The following TRIM39 variants were observed in gnomAD, a reference collection of about 807,000 sequenced individuals.
TRIM39 encodes the protein E3 ubiquitin-protein ligase TRIM39.
A neutral mutation model predicts 53.6 loss-of-function variants in TRIM39; 5 were observed. The observed-to-expected ratio is 0.09, with a 90% CI of 0.05 to 0.20. TRIM39 has a LOEUF of 0.20. TRIM39 is among the 10% of genes least tolerant of loss of function. TRIM39 has a pLI of 1.00. For synonymous variants in TRIM39, 196 were observed against 237.6 expected, an observed-to-expected ratio of 0.82 and a Z score of 1.61; for missense variants, 310 against 621.0, an observed-to-expected ratio of 0.50 and a Z score of 5.32.
chr6:30,335,657 G>A lies in TRIM39; in HGVS notation c.550-88G>A. ...CCATTTTCAATGAAACTGGAAGTCT[G>A]TGTTAATTCATACATATGGTGGGTG... On this transcript the variant is annotated intron_variant, in intron 4 of 7. Transcript: ENST00000396551. This position sits in a 1 kb window ranked among gnomAD's most constrained non-coding sequence, Gnocchi z 4.7. 1 of 1,465,238 alleles carries A rather than the reference G, an allele frequency of 6.8e-7. No homozygotes were observed. Among genetic ancestry groups the A allele is most frequent in the South Asian group, 1.3e-5 (1 of 74,240 alleles). The allele number at this position is 1,465,238 out of a possible 1,614,324, so 90.8% of individuals were successfully genotyped here. A position where few individuals can be genotyped will look rare whatever the true frequency, so the allele number is the denominator to read the frequency against.
chr6:30,330,705 A>G, intron 3 of TRIM39, 76 bp from the exon 4 acceptor site: 2 of 1,482,614 alleles, frequency 1.3e-6, no homozygotes, highest in South Asian at 2.4e-5. Context: ...TTTAAAACAA[A>G]TGGTTTAATC....
chr6:30,335,687 A>G lies in TRIM39; in HGVS notation c.550-58A>G, dbSNP rs1372711429. On this transcript the variant is annotated intron_variant, in intron 4 of 7. Coordinates refer to ENST00000396551, the Ensembl canonical transcript of TRIM39. The surrounding 1 kb of genome is among the most constrained non-coding windows in gnomAD (Gnocchi z 4.7). ...AATTCATACATATGGTGGGTGAGAG[A>G]AAGGCTTCCTTATACCACACTGACC... The G allele has an allele frequency of 1.9e-6, 3 of 1,561,642 alleles. No individual in the cohort carries two copies. The highest frequency in any genetic ancestry group is 1.7e-6 in the Non-Finnish European group (2 of 1,154,968).
chr6:30,342,629 C>T lies in TRIM39; in HGVS notation c.*370C>T, dbSNP rs1002444512. 13 of 322,600 alleles carry T rather than the reference C, an allele frequency of 4.0e-5. No individual in the cohort carries two copies. Among genetic ancestry groups the T allele is most frequent in the African/African-American group, 2.7e-4 (13 of 47,532 alleles). 20.0% of individuals were successfully genotyped at this position (322,600 alleles called of 1,614,324 possible). ...CCAGAGGAGGAAACAGAAACCCCTG[C>T]ACATCTTTTTAGGGGGTTCTTTGAC... is the stretch of plus-strand genomic sequence containing the variant. On this transcript the variant is annotated 3_prime_UTR_variant, in exon 8 of 8. Coordinates refer to ENST00000396551, the Ensembl canonical transcript of TRIM39. The surrounding 1 kb of genome is among the most constrained non-coding windows in gnomAD (Gnocchi z 4.7).
Position 30,330,896 on chromosome 6 carries a change from T to C in TRIM39, c.549+20T>C. ...CTCAAGGTAAAGGCAGGCAATCCCA[T>C]GTAGGCTGCTCTGAAGGGTATTTGC... On this transcript the variant is annotated intron_variant, in intron 4 of 7. Transcript: ENST00000396551. The C allele has an allele frequency of 6.2e-7, 1 of 1,612,818 alleles. No homozygotes were observed. The highest frequency in any genetic ancestry group is 8.5e-7 in the Non-Finnish European group (1 of 1,179,296).
intron 4 of TRIM39, among the ~76,000 whole-genome samples, chr6:30,331,142 G>A (rs1786102994): frequency 1.3e-5 from 2 of 152,118 alleles, no homozygotes; most frequent in African/African-American, 4.8e-5. Flanking sequence ...GGTGGCACAT[G>A]CCTGTAGTCC....
intron 1 of TRIM39, among the ~76,000 whole-genome samples, chr6:30,328,197 G>A (rs1322158887): frequency 3.9e-5 from 6 of 152,208 alleles, no homozygotes; most frequent in Admixed American, 2.6e-4. Context: ...GGACCTATAA[G>A]TTGGAGACAC....
exon 3 of TRIM39, chr6:30,329,478 C>T (rs1416847960): frequency 1.9e-6 from 3 of 1,613,062 alleles, no homozygotes; most frequent in African/African-American, 1.3e-5. Flanking sequence ...GCTTGCATCA[C>T]CCGCTGGTGG....
At position 30,335,810 on chromosome 6, in the gene TRIM39, T is replaced by G; in HGVS notation, c.615T>G (p.Asp205Glu). The change falls in exon 5 of 8, where the codon GAT becomes GAG. Residue 205 changes from aspartate (D) to glutamate (E), a missense_variant. By Grantham distance (45) the Asp-to-Glu change is conservative (BLOSUM62 2). This residue lies in a region of TRIM39 where 161 missense variants were observed against 210.0 expected (regional missense o/e 0.77). Transcript: ENST00000396551. The surrounding 1 kb of genome is among the most constrained non-coding windows in gnomAD (Gnocchi z 4.7). ...TTGAAGAGCTTCATAGGCGGCTGGA[T>G]GAAGAGCAGCAGGTGTTGCTTTCAC... 1 of 1,613,016 alleles carries G rather than the reference T, an allele frequency of 6.2e-7. No homozygotes were observed. The highest frequency in any genetic ancestry group is 8.5e-7 in the Non-Finnish European group (1 of 1,180,028).
intron 6 of TRIM39, among the ~76,000 whole-genome samples, 165 bp downstream of exon 6, chr6:30,340,095 T>G (rs1434523434): frequency 1.3e-5 from 2 of 152,112 alleles, no homozygotes; most frequent in East Asian, 3.9e-4. Context: ...AGAGAACAAA[T>G]TATTGGGAAT....
At chr6:30,332,330 A>G (rs781111245) in intron 4 of TRIM39, among the ~76,000 whole-genome samples, 1 of 152,244 alleles carries the variant, frequency 6.6e-6, no homozygotes, top group Non-Finnish European at 1.5e-5. Flanking sequence ...AATGGCACAA[A>G]ATGCACAGCT....
In TRIM39 at chr6:30,338,161, ACTTT is replaced by A. The variant is rs1320699703; in HGVS notation, c.781-1743_781-1740del. On this transcript the variant is annotated intron_variant, in intron 5 of 7. Coordinates refer to ENST00000396551, the Ensembl canonical transcript of TRIM39. The surrounding 1 kb of genome is among the most constrained non-coding windows in gnomAD (Gnocchi z 4.0). The stretch of plus-strand genomic sequence containing the variant: ...TCCATCTCAGCAATAAAGCTGTTTC[ACTTT>A]CTTATCATTCATGTGTTCACTGGAG... 1.3e-5 allele frequency among the ~76,000 whole-genome samples: 2 copies of A among 152,154 alleles called. No homozygotes were observed. Among genetic ancestry groups the A allele is most frequent in the Non-Finnish European group, 2.9e-5 (2 of 68,014 alleles).
At chr6:30,332,920 C>T (rs1554250210) in intron 4 of TRIM39, among the ~76,000 whole-genome samples, 1 of 152,126 alleles carries the variant, frequency 6.6e-6, no homozygotes, top group Non-Finnish European at 1.5e-5. Context: ...CTGAAAATTA[C>T]AGGTAATATA....
Position 30,342,412 on chromosome 6 carries a change from G to C in TRIM39, c.*153G>C, listed in dbSNP as rs1165061348. 3 of 763,484 alleles carry C rather than the reference G, an allele frequency of 3.9e-6. No individual in the cohort carries two copies. Among genetic ancestry groups the C allele is most frequent in the African/African-American group, 1.8e-5 (1 of 56,976 alleles). 47.3% of individuals were successfully genotyped at this position (763,484 alleles called of 1,614,324 possible). ...GGTTTCTAGGATGGTTTTGTGTGGA[G>C]GGGGAGGTAGGACTGGGCTGGATGA... On this transcript the variant is annotated 3_prime_UTR_variant, in exon 8 of 8. Coordinates refer to ENST00000396551, the Ensembl canonical transcript of TRIM39. The surrounding 1 kb of genome is among the most constrained non-coding windows in gnomAD (Gnocchi z 4.7).
intron 5 of TRIM39, 174 bp downstream of exon 5, chr6:30,336,149 C>T (rs1034823888): frequency 1.7e-5 from 16 of 938,150 alleles, no homozygotes; most frequent in Non-Finnish European, 2.5e-5. Context: ...CTCCCATCCC[C>T]TTCTAACCAT....
chr6:30,337,095 G>T (rs545414394), intron 5 of TRIM39, among the ~76,000 whole-genome samples: 3 of 152,212 alleles, frequency 2.0e-5, no homozygotes, highest in African/African-American at 7.2e-5. Flanking sequence ...TGAGCAGTAG[G>T]TCTCAACTTA....
At chr6:30,337,687 A>C (rs1787034150) in intron 5 of TRIM39, among the ~76,000 whole-genome samples, 1 of 152,206 alleles carries the variant, frequency 6.6e-6, no homozygotes, top group Non-Finnish European at 1.5e-5. Flanking sequence ...GGATTTTTGA[A>C]ATGGTAAGTG....
intron 4 of TRIM39, 91 bp downstream of exon 4, chr6:30,330,967 T>G: frequency 6.9e-7 from 1 of 1,451,388 alleles, no homozygotes; most frequent in South Asian, 1.2e-5. Flanking sequence ...CAGTTCCGGT[T>G]CATTAGAAAA....
intron 1 of TRIM39, chr6:30,327,662 G>T (rs113880128): frequency 0.013 from 2,048 of 152,368 alleles, 45 homozygotes; most frequent in African/African-American, 0.045. Flanking sequence ...ATCCGTCCTG[G>T]TGCCTTACTG....
Position 30,338,572 on chromosome 6 carries a change from C to T in TRIM39, c.781-1336C>T, listed in dbSNP as rs941838079. Among the ~76,000 whole-genome samples, 4 of 149,858 alleles carry T rather than the reference C, an allele frequency of 2.7e-5. No homozygotes were observed. The highest frequency in any genetic ancestry group is 2.0e-4 in the Admixed American group (3 of 14,878). On this transcript the variant is annotated intron_variant, in intron 5 of 7. Coordinates refer to ENST00000396551, the Ensembl canonical transcript of TRIM39. The surrounding 1 kb of genome is among the most constrained non-coding windows in gnomAD (Gnocchi z 4.0). ...GCCCCCATAACGATTACAATAGTAA[C>T]ATCAAAGATCACTGATCACAGATCA...
Sources: allele counts gnomAD v4.1 joint callset (sites outside exome capture counted in the v4.1 genomes callset), GRCh38; gene constraint gnomAD v4.1.1; regional missense constraint gnomAD v4.1.1; non-coding constraint Gnocchi (gnomAD v3.1); transcripts MANE v1.5; gene names NCBI Gene and HGNC (gene_info 2026-07-23, HGNC 2026-07-21).